The following MPRIP variants were observed in gnomAD, a reference collection of about 807,000 sequenced individuals.
The protein encoded by MPRIP is myosin phosphatase Rho-interacting protein.
Under a neutral mutation model 234.9 loss-of-function variants are expected in MPRIP, and 59 were observed. That is an observed-to-expected ratio of 0.25 (90% CI 0.20 to 0.31). The LOEUF (loss-of-function observed/expected upper bound fraction) is 0.31, where lower values mean the gene tolerates loss of function less well. MPRIP is among the 10% of genes least tolerant of loss of function. The probability of loss-of-function intolerance (pLI) is 1.00; values close to 1 mark genes in which losing one functional copy is unlikely to be tolerated. For missense variants in MPRIP, 2,436 were observed against 3,071.0 expected, an observed-to-expected ratio of 0.79 and a Z score of 4.89; for synonymous variants, 1,144 against 1,263.9, an observed-to-expected ratio of 0.91 and a Z score of 2.01.
At chr17:17,105,243 G>T (rs1213753314) in intron 3 of MPRIP, among the ~76,000 whole-genome samples, 1 of 152,138 alleles carries the variant, frequency 6.6e-6, no homozygotes, top group African/African-American at 2.4e-5. Flanking sequence ...CAGGTCGAGG[G>T]CCCAACAGGG....
At chr17:17,087,727 G>A (rs986497228) in intron 3 of MPRIP, among the ~76,000 whole-genome samples, 1 of 152,222 alleles carries the variant, frequency 6.6e-6, no homozygotes, top group Non-Finnish European at 1.5e-5. Context: ...CGTAGACAGG[G>A]CACATGTTGG....
At chr17:17,161,485 T>A in intron 15 of MPRIP, 129 bp downstream of exon 15, 1 of 540,306 alleles carries the variant, frequency 1.9e-6, no homozygotes, top group Non-Finnish European at 3.2e-6. Context: ...CTCATGCCCC[T>A]GGGCTTTTCT....
intron 4 of MPRIP, among the ~76,000 whole-genome samples, chr17:17,127,922 T>A (rs926510939): frequency 5.3e-5 from 8 of 152,196 alleles, no homozygotes; most frequent in African/African-American, 1.9e-4. Flanking sequence ...GGGGGCGCTC[T>A]CTGCGGGGGT....
At chr17:17,117,766 T>C (rs1435461265) in intron 3 of MPRIP, among the ~76,000 whole-genome samples, 1 of 152,238 alleles carries the variant, frequency 6.6e-6, no homozygotes, top group African/African-American at 2.4e-5. Flanking sequence ...GTCTGTAATT[T>C]TTTGAGGAAC....
chr17:17,143,682 G>A lies in MPRIP; in HGVS notation c.1503+13G>A, dbSNP rs528482626. On this transcript the variant is annotated intron_variant, in intron 9 of 23. Coordinates refer to ENST00000651222, the MANE Select transcript of MPRIP (RefSeq NM_001364716.4). ...GCCCTCCGTGACGGTGAGCCCAGGC[G>A]CCGCGTCCTCCGGAGGCCGTGCTCC... 2.1e-5 allele frequency: 33 copies of A among 1,559,472 alleles called. No individual in the cohort carries two copies. Among genetic ancestry groups the A allele is most frequent in the South Asian group, 4.7e-5 (4 of 85,614 alleles).
intron 3 of MPRIP, among the ~76,000 whole-genome samples, chr17:17,101,592 A>G (rs1257351285): frequency 6.8e-6 from 1 of 147,990 alleles, no homozygotes; most frequent in African/African-American, 2.6e-5. Context: ...TTTTTAAACA[A>G]CAACAACAAA....
chr17:17,131,185 A>G (rs1318241831), intron 4 of MPRIP, among the ~76,000 whole-genome samples: 1 of 151,904 alleles, frequency 6.6e-6, no homozygotes, highest in Non-Finnish European at 1.5e-5. Context: ...TAGTCCCTCA[A>G]GAGTACCCAT....
At position 17,167,563 on chromosome 17, in the gene MPRIP, A is replaced by G; in HGVS notation, c.5972A>G (p.His1991Arg). The G allele has an allele frequency of 7.7e-7, 1 of 1,304,272 alleles. No individual in the cohort carries two copies. The highest frequency in any genetic ancestry group is 1.2e-5 in the South Asian group (1 of 81,032). 80.8% of individuals were successfully genotyped at this position (1,304,272 alleles called of 1,614,324 possible). A position where few individuals can be genotyped will look rare whatever the true frequency, so the allele number is the denominator to read the frequency against. The change falls in exon 16 of 24, where the codon CAT (histidine) becomes CGT (arginine). Residue 1991 changes from histidine to arginine, a missense_variant. Transcript: ENST00000651222. This position sits in a 1 kb window ranked among gnomAD's most constrained non-coding sequence, Gnocchi z 5.9. The part of the protein sequence containing the change: ...VRDRQDMERH[H>R]GEQIQTLEDR... ...GACAGGCAGGACATGGAGAGGCATC[A>G]TGGTGAGCAGATACAGACCCTGGAG... is the stretch of plus-strand genomic sequence containing the variant.
At chr17:17,063,762 G>A (rs2143946903) in intron 1 of MPRIP, among the ~76,000 whole-genome samples, 1 of 152,360 alleles carries the variant, frequency 6.6e-6, no homozygotes, top group South Asian at 2.1e-4. Context: ...GCCACACGGA[G>A]TGAGAGCCAA....
chr17:17,134,862 GATAA>G (rs2090663623), intron 5 of MPRIP, among the ~76,000 whole-genome samples: 1 of 152,232 alleles, frequency 6.6e-6, no homozygotes, highest in African/African-American at 2.4e-5. Flanking sequence ...CCAGGCTATT[GATAA>G]ATAGTCTGGT....
intron 3 of MPRIP, among the ~76,000 whole-genome samples, chr17:17,120,954 G>A (rs2090377428): frequency 6.6e-6 from 1 of 152,158 alleles, no homozygotes; most frequent in Non-Finnish European, 1.5e-5. Flanking sequence ...GGAGGGGAGA[G>A]GTGCTGGCTG....
chr17:17,114,439 T>C (rs201129979), intron 3 of MPRIP, among the ~76,000 whole-genome samples: 1 of 146,196 alleles, frequency 6.8e-6, no homozygotes, highest in Non-Finnish European at 1.5e-5. Context: ...CTTTTTTTTT[T>C]CTTTTGTTGC....
At chr17:17,084,472 C>G (rs1489225935) in intron 3 of MPRIP, among the ~76,000 whole-genome samples, 1 of 152,224 alleles carries the variant, frequency 6.6e-6, no homozygotes, top group Non-Finnish European at 1.5e-5. Context: ...ATGGTAGATA[C>G]CATGTCCATT....
chr17:17,069,544 A>G (rs995623679), intron 1 of MPRIP, among the ~76,000 whole-genome samples: 5 of 141,616 alleles, frequency 3.5e-5, no homozygotes, highest in Non-Finnish European at 7.7e-5. Flanking sequence ...TTGTATTTTG[A>G]TTTATATATC....
At chr17:17,053,463 A>G (rs1355607506) in intron 1 of MPRIP, among the ~76,000 whole-genome samples, 1 of 152,080 alleles carries the variant, frequency 6.6e-6, no homozygotes, top group Non-Finnish European at 1.5e-5. Flanking sequence ...TGCTTAGTAA[A>G]TGGGGTCCGT....
intron 3 of MPRIP, among the ~76,000 whole-genome samples, chr17:17,081,003 C>T (rs2089449641): frequency 6.6e-6 from 1 of 152,098 alleles, no homozygotes; most frequent in Non-Finnish European, 1.5e-5. Context: ...TACGTGGTGC[C>T]CTCAGACCGT....
chr17:17,123,229 C>T (rs1164996110), intron 3 of MPRIP, among the ~76,000 whole-genome samples: 1 of 152,214 alleles, frequency 6.6e-6, no homozygotes, highest in Non-Finnish European at 1.5e-5. Context: ...GAAGTGACTG[C>T]GAATGGCTTT....
chr17:17,154,415 G>A lies in MPRIP; in HGVS notation c.1829G>A (p.Ser610Asn), dbSNP rs2144575193. 6.2e-7 allele frequency: 1 copy of A among 1,613,932 alleles called. No homozygotes were observed. Among genetic ancestry groups the A allele is most frequent in the Non-Finnish European group, 8.5e-7 (1 of 1,179,810 alleles). The change falls in exon 13 of 24, where the codon AGC becomes AAC. Residue 610 changes from serine to asparagine, a missense_variant and splice_region_variant. Ser to Asn is a conservative substitution (Grantham distance 46, BLOSUM62 1). Coordinates refer to ENST00000651222, the MANE Select transcript of MPRIP (RefSeq NM_001364716.4). ...CCGACCACTGCCCCGGATGTGACCA[G>A]GTAGGATGGTGAAGACACCAGGGAG... The part of the protein sequence containing the change: ...VHPTTAPDVT[S>N]SLPEEKNKSS...
chr17:17,119,207 G>GTA (rs1263187995), intron 3 of MPRIP, among the ~76,000 whole-genome samples: 18 of 152,178 alleles, frequency 1.2e-4, no homozygotes, highest in Non-Finnish European at 2.1e-4. Context: ...CTTAGACCTG[G>GTA]CTCGAGCAGC....
Sources: gnomAD v4.1 joint callset for allele counts (sites outside exome capture counted in the v4.1 genomes callset) on GRCh38, gnomAD v4.1.1 for gene constraint, Gnocchi (gnomAD v3.1) non-coding constraint, MANE v1.5 for transcripts, NCBI Gene and HGNC (gene_info 2026-07-23, HGNC 2026-07-21) for gene names.